The following KLF12 variants were observed in gnomAD, a reference collection of about 807,000 sequenced individuals.
KLF12 encodes the protein KLF transcription factor 12, also known as Krueppel-like factor 12.
Under a neutral mutation model 37.8 loss-of-function variants are expected in KLF12, and 9 were observed. The observed-to-expected ratio is 0.24, with a 90% CI of 0.14 to 0.42. KLF12 has a LOEUF of 0.42. Ranked by LOEUF, KLF12 falls within the 10% of genes least tolerant of loss-of-function variation. KLF12 has a pLI of 1.00. For missense variants in KLF12, 411 were observed against 516.0 expected (o/e 0.80, Z 1.97); for synonymous variants, 208 against 202.1 (o/e 1.03, Z -0.25).
At chr13:73,713,840 T>G (rs1455952204) in intron 7 of KLF12, among the ~76,000 whole-genome samples, 1 of 152,236 alleles carries the variant, frequency 6.6e-6, no homozygotes. Context: ...ATGAGGCTAA[T>G]ATGTATTCCA....
At chr13:74,077,419 A>G (rs1874630879) in intron 1 of KLF12, among the ~76,000 whole-genome samples, 1 of 152,214 alleles carries the variant, frequency 6.6e-6, no homozygotes. Flanking sequence ...TTCAACCTGT[A>G]GCAAAATTTT....
chr13:74,213,335 C>T, the KLF12 span, among the ~76,000 whole-genome samples: 8 of 152,136 alleles, frequency 5.3e-5, no homozygotes, highest in African/African-American at 1.4e-4. Flanking sequence ...TTCTTGTTCT[C>T]ATCTGGTTTG....
At chr13:73,825,923 C>T (rs192253428) in intron 4 of KLF12, among the ~76,000 whole-genome samples, 232 of 152,230 alleles carry the variant, frequency 1.5e-3, no homozygotes, top group Middle Eastern at 6.8e-3. Flanking sequence ...TTTCTACATG[C>T]CTGCCACATT....
chr13:73,972,738 T>G (rs1008739068), intron 2 of KLF12, among the ~76,000 whole-genome samples: 3 of 150,972 alleles, frequency 2.0e-5, no homozygotes, highest in Non-Finnish European at 4.4e-5. Flanking sequence ...GACCCACTAC[T>G]GCCCTTCTGC....
chr13:73,808,479 C>T (rs1269236582), intron 5 of KLF12, among the ~76,000 whole-genome samples: 2 of 151,782 alleles, frequency 1.3e-5, no homozygotes, highest in Admixed American at 6.6e-5. Context: ...AAACAGAGGT[C>T]GATTCAGATT....
At chr13:74,050,042 G>T (rs763181565) in intron 1 of KLF12, among the ~76,000 whole-genome samples, 2 of 152,040 alleles carry the variant, frequency 1.3e-5, no homozygotes, top group Admixed American at 1.3e-4. Flanking sequence ...GAATGATAGG[G>T]CCCACTGAGT....
At chr13:73,973,865 T>TG (rs1555330506) in intron 2 of KLF12, among the ~76,000 whole-genome samples, 3 of 151,986 alleles carry the variant, frequency 2.0e-5, no homozygotes, top group Non-Finnish European at 4.4e-5. Context: ...TATCAACGAA[T>TG]GGGAGCTCAA....
chr13:73,701,998 T>TA (rs1202434280), intron 7 of KLF12, among the ~76,000 whole-genome samples: 1 of 151,906 alleles, frequency 6.6e-6, no homozygotes, highest in Non-Finnish European at 1.5e-5. Context: ...CTCTAAATGT[T>TA]AAAAAAGACG....
At chr13:73,719,601 G>A (rs1210368343) in intron 6 of KLF12, among the ~76,000 whole-genome samples, 2 of 151,256 alleles carry the variant, frequency 1.3e-5, no homozygotes, top group Non-Finnish European at 2.9e-5. Flanking sequence ...CCATTTCCCC[G>A]AGTTGCTTTT....
intron 1 of KLF12, among the ~76,000 whole-genome samples, chr13:74,082,584 T>C (rs1173267431): frequency 1.3e-5 from 2 of 152,094 alleles, no homozygotes; most frequent in Admixed American, 6.6e-5. Flanking sequence ...TGTGCTGACT[T>C]AAACATCTGC....
intron 1 of KLF12, among the ~76,000 whole-genome samples, chr13:74,057,327 G>T (rs1475187432): frequency 6.6e-6 from 1 of 152,178 alleles, no homozygotes; most frequent in Non-Finnish European, 1.5e-5. Flanking sequence ...CACAAAGCTG[G>T]AAATCCAGCT....
intron 3 of KLF12, among the ~76,000 whole-genome samples, chr13:73,925,661 TAC>T (rs1463884627): frequency 6.6e-6 from 1 of 152,224 alleles, no homozygotes; most frequent in Non-Finnish European, 1.5e-5. Context: ...ATATATTTCA[TAC>T]AGTTATAGCT....
chr13:73,738,524 A>C (rs1877700949), intron 6 of KLF12, among the ~76,000 whole-genome samples: 1 of 151,966 alleles, frequency 6.6e-6, no homozygotes, highest in East Asian at 1.9e-4. Flanking sequence ...GTAGTAAAAG[A>C]CACTGTCTCT....
chr13:73,745,356 C>T (rs1367787270), intron 6 of KLF12, among the ~76,000 whole-genome samples: 1 of 152,160 alleles, frequency 6.6e-6, no homozygotes, highest in Non-Finnish European at 1.5e-5. Context: ...GTGTCAGTAG[C>T]TCAGAAGTAG....
chr13:74,002,385 A>AG (rs1566499882), intron 1 of KLF12, among the ~76,000 whole-genome samples: 1 of 152,112 alleles, frequency 6.6e-6, no homozygotes, highest in Non-Finnish European at 1.5e-5. Context: ...ATCTTTATTT[A>AG]TGTTTTCGAG....
intron 1 of KLF12, among the ~76,000 whole-genome samples, chr13:74,124,946 G>A (rs1877851619): frequency 6.6e-6 from 1 of 152,058 alleles, no homozygotes; most frequent in African/African-American, 2.4e-5. Flanking sequence ...AGGAGTTGGA[G>A]ACCAGCCTGG....
intron 4 of KLF12, among the ~76,000 whole-genome samples, chr13:73,840,111 C>T (rs914842571): frequency 6.6e-6 from 1 of 152,170 alleles, no homozygotes; most frequent in African/African-American, 2.4e-5. Flanking sequence ...ACGATGAACA[C>T]TCCCTCGCCA....
intron 1 of KLF12, among the ~76,000 whole-genome samples, chr13:74,002,509 G>C (rs1311784151): frequency 6.6e-6 from 1 of 152,118 alleles, no homozygotes; most frequent in Non-Finnish European, 1.5e-5. Context: ...TTGAGTAGCT[G>C]GGACTACAGG....
chr13:74,148,496 C>A, the KLF12 span, among the ~76,000 whole-genome samples: 1 of 144,380 alleles, frequency 6.9e-6, no homozygotes, highest in Non-Finnish European at 1.5e-5. Flanking sequence ...CCCCCCCCAC[C>A]CCACCCCGCA....
Sources: gnomAD v4.1 joint callset for allele counts (sites outside exome capture counted in the v4.1 genomes callset) on GRCh38, gnomAD v4.1.1 for gene constraint, MANE v1.5 for transcripts, NCBI Gene and HGNC (gene_info 2026-07-23, HGNC 2026-07-21) for gene names.